Variants in BAHCC1 observed in about 807,000 individuals in gnomAD.
The protein encoded by BAHCC1 is BAH domain and coiled-coil containing 1.
In BAHCC1, 43 loss-of-function variants were observed where a neutral mutation model predicts 88.2. That is an observed-to-expected ratio of 0.49 (90% CI 0.38 to 0.63). The LOEUF is 0.63. BAHCC1 is among the 20% of genes least tolerant of loss of function. The pLI, the probability that BAHCC1 is intolerant of heterozygous loss-of-function variation, is 0.00. For missense variants in BAHCC1, 3,023 were observed against 1,654.8 expected, an observed-to-expected ratio of 1.83 and a Z score of -14.34; for synonymous variants, 1,510 against 745.5, an observed-to-expected ratio of 2.03 and a Z score of -16.71.
chr17:81,463,861 G>T lies in BAHCC1; in HGVS notation c.*44G>T, dbSNP rs1555660149. The T allele has an allele frequency of 1.4e-6, 1 of 696,540 alleles. No homozygotes were observed. Among genetic ancestry groups the T allele is most frequent in the Non-Finnish European group, 2.6e-6 (1 of 380,840 alleles). 43.1% of individuals were successfully genotyped at this position (696,540 alleles called of 1,614,324 possible). A position where few individuals can be genotyped will look rare whatever the true frequency, so the allele number is the denominator to read the frequency against. On this transcript the variant is annotated 3_prime_UTR_variant, in exon 28 of 28. Coordinates refer to ENST00000675386, the MANE Select transcript of BAHCC1 (RefSeq NM_001377448.1). ...CTCCCACGTGCGCCAGGGACCCTGT[G>T]TGCGGAGCCTGGCGTCGGCCAAGCC...
rs2030701800 is a variant in BAHCC1, at chr17:81,466,202, A to G, written c.*2385A>G. ...GGTTGGATTTTTTTTCAATGTAAACACTAAAAACAAAATGGACAAAAAAAC... is the reference window on the plus strand; with the variant it reads ...GGTTGGATTTTTTTTCAATGTAAACGCTAAAAACAAAATGGACAAAAAAAC... On this transcript the variant is annotated 3_prime_UTR_variant, in exon 28 of 28. Transcript: ENST00000675386. 6.6e-6 allele frequency: 1 copy of G among 152,502 alleles called. No individual in the cohort carries two copies. The highest frequency in any genetic ancestry group is 6.5e-5 in the Admixed American group (1 of 15,282). 9.4% of individuals were successfully genotyped at this position (152,502 alleles called of 1,614,324 possible).
intron 6 of BAHCC1, 129 bp downstream of exon 6, chr17:81,444,046 G>A (rs1183842356): frequency 1.6e-6 from 1 of 638,356 alleles, no homozygotes; most frequent in African/African-American, 1.8e-5. Context: ...GCCGTGGGTG[G>A]GGTTCTCCCC....
intron 4 of BAHCC1, among the ~76,000 whole-genome samples, chr17:81,441,216 G>A (rs148939482): frequency 2.3e-3 from 353 of 152,296 alleles, no homozygotes; most frequent in Non-Finnish European, 3.2e-3. Context: ...TGTTTCACGG[G>A]GACAGAACTG....
At chr17:81,398,281 C>A (rs565417043) in intron 1 of BAHCC1, among the ~76,000 whole-genome samples, 12 of 152,196 alleles carry the variant, frequency 7.9e-5, no homozygotes, top group African/African-American at 2.9e-4. Flanking sequence ...CTGGCTCCGA[C>A]CCTCCGCACC....
chr17:81,450,110 G>A (rs1317193378), intron 11 of BAHCC1, among the ~76,000 whole-genome samples: 1 of 152,176 alleles, frequency 6.6e-6, no homozygotes, highest in Non-Finnish European at 1.5e-5. Context: ...CAGAGACTAG[G>A]TTTGGGGTGC....
chr17:81,458,750 C>A, intron 19 of BAHCC1, 25 bp downstream of exon 19: 2 of 744,698 alleles, frequency 2.7e-6, no homozygotes, highest in Non-Finnish European at 5.0e-6. Flanking sequence ...CTCTGGGAGC[C>A]CACTGTGCAC....
At chr17:81,400,480 A>G (rs1342356005) in intron 2 of BAHCC1, among the ~76,000 whole-genome samples, 5 of 152,206 alleles carry the variant, frequency 3.3e-5, no homozygotes, top group African/African-American at 1.2e-4. Context: ...GCAGGGATGC[A>G]TTTGCCTTAA....
intron 1 of BAHCC1, among the ~76,000 whole-genome samples, chr17:81,398,741 G>T (rs1437540731): frequency 2.0e-5 from 3 of 150,852 alleles, no homozygotes; most frequent in East Asian, 2.1e-4. Flanking sequence ...GCACTGCGGC[G>T]TGGCGGCCCA....
chr17:81,417,816 C>T (rs1401507351), intron 2 of BAHCC1, among the ~76,000 whole-genome samples: 2 of 152,196 alleles, frequency 1.3e-5, no homozygotes, highest in African/African-American at 2.4e-5. Context: ...AGGGGCTTCC[C>T]GGGTGACGTG....
chr17:81,436,288 G>A (rs1383645920), intron 3 of BAHCC1, among the ~76,000 whole-genome samples: 4 of 152,232 alleles, frequency 2.6e-5, no homozygotes, highest in African/African-American at 9.6e-5. Flanking sequence ...CAGCAGCTGA[G>A]GGACACGCAT....
At position 81,434,547 on chromosome 17, in the gene BAHCC1, T is replaced by C. The variant is rs1012505198; in HGVS notation, c.359-3823T>C. Among the ~76,000 whole-genome samples the C allele has an allele frequency of 2.0e-5, 3 of 152,168 alleles. No individual in the cohort carries two copies. The highest frequency in any genetic ancestry group is 4.8e-5 in the African/African-American group (2 of 41,422). On this transcript the variant is annotated intron_variant, in intron 3 of 27. Transcript: ENST00000675386. The surrounding 1 kb of genome is among the most constrained non-coding windows in gnomAD (Gnocchi z 4.9). Reference sequence around the variant, plus strand: ...CCTGCAGCATCCTGGCCCTGAGCTCTGTGGCCCCAAGTGGGGCTTCCTGGG... The same window carrying C: ...CCTGCAGCATCCTGGCCCTGAGCTCCGTGGCCCCAAGTGGGGCTTCCTGGG...
chr17:81,402,075 C>T (rs2063823940), intron 2 of BAHCC1: 1 of 152,506 alleles, frequency 6.6e-6, no homozygotes, highest in East Asian at 1.9e-4. Flanking sequence ...TTCTTGATCC[C>T]AGGTCCTCCC....
Position 81,458,718 on chromosome 17 carries a change from G to A in BAHCC1, c.5441G>A (p.Gly1814Asp), listed in dbSNP as rs868982282. 1.4e-6 allele frequency: 1 copy of A among 732,686 alleles called. No homozygotes were observed. Among genetic ancestry groups the A allele is most frequent in the Non-Finnish European group, 2.5e-6 (1 of 394,004 alleles). The allele number at this position is 732,686 out of a possible 1,614,324, so 45.4% of individuals were successfully genotyped here. A position where few individuals can be genotyped will look rare whatever the true frequency, so the allele number is the denominator to read the frequency against. ...RKLSKVKHKAGKQGKGRAVSR... is the reference protein window; with the variant it reads ...RKLSKVKHKADKQGKGRAVSR... Reference sequence around the variant, plus strand: ...CTGAGCAAGGTGAAGCACAAGGCCGGCAAGCAGGTAGCAGCCCCCCACTCT... The same window carrying A: ...CTGAGCAAGGTGAAGCACAAGGCCGACAAGCAGGTAGCAGCCCCCCACTCT... Residue 1814 changes from glycine to aspartate, a missense_variant, in exon 19 of 28, where the codon GGC (glycine) becomes GAC (aspartate). By Grantham distance (94) the Gly-to-Asp change is moderately conservative. Transcript: ENST00000675386.
chr17:81,455,474 C>T, intron 15 of BAHCC1, 84 bp downstream of exon 15: 1 of 666,870 alleles, frequency 1.5e-6, no homozygotes, highest in East Asian at 2.7e-5. Context: ...CTCTCCCCAG[C>T]CCTGTGCCGA....
Position 81,455,366 on chromosome 17 carries a change from T to C in BAHCC1, c.4545T>C (p.Tyr1515=), listed in dbSNP as rs1555657024. ...GAAGCAAGCTGGAGAGGAGCGTCTA[T>C]GCGGGCCTGCAGACTGCCTCCGTGG... ...KKRSKLERSV[Y]AGLQTASVEK... The change falls in exon 15 of 28, where the codon TAT becomes TAC. Residue 1515 remains tyrosine, a synonymous_variant. Coordinates refer to ENST00000675386, the MANE Select transcript of BAHCC1 (RefSeq NM_001377448.1). The C allele has an allele frequency of 1.5e-5, 11 of 716,452 alleles. No individual in the cohort carries two copies. Among genetic ancestry groups the C allele is most frequent in the East Asian group, 1.1e-4 (4 of 37,294 alleles). The allele number at this position is 716,452 out of a possible 1,614,324, so 44.4% of individuals were successfully genotyped here.
chr17:81,455,079 C>T (rs2064721539), intron 14 of BAHCC1, among the ~76,000 whole-genome samples, 188 bp from the exon 15 acceptor site: 1 of 152,166 alleles, frequency 6.6e-6, no homozygotes, highest in African/African-American at 2.4e-5. Context: ...TGGCTGCAGG[C>T]AGGTGCTCAG....
intron 3 of BAHCC1, among the ~76,000 whole-genome samples, chr17:81,429,017 G>A (rs1469189765): frequency 2.0e-5 from 3 of 152,210 alleles, no homozygotes; most frequent in Admixed American, 1.3e-4. Flanking sequence ...AGAGGACAGT[G>A]CCCACAGTGG....
At chr17:81,398,429 G>A (rs1233946292) in intron 1 of BAHCC1, among the ~76,000 whole-genome samples, 2 of 152,214 alleles carry the variant, frequency 1.3e-5, no homozygotes, top group African/African-American at 4.8e-5. Flanking sequence ...TGCTGGGCCG[G>A]GCCCACCTTC....
In BAHCC1 at chr17:81,458,960, G is replaced by T. The variant is rs782205832; in HGVS notation, c.5596G>T (p.Ala1866Ser). 1 of 737,990 alleles carries T rather than the reference G, an allele frequency of 1.4e-6. No individual in the cohort carries two copies. Among genetic ancestry groups the T allele is most frequent in the Non-Finnish European group, 2.5e-6 (1 of 394,276 alleles). 45.7% of individuals were successfully genotyped at this position (737,990 alleles called of 1,614,324 possible). The change falls in exon 20 of 28, where the codon GCC becomes TCC. Residue 1866 changes from alanine (A) to serine (S), a missense_variant. By Grantham distance (99) the Ala-to-Ser change is moderately conservative. Coordinates refer to ENST00000675386, the MANE Select transcript of BAHCC1 (RefSeq NM_001377448.1). The stretch of plus-strand genomic sequence containing the variant: ...CGGCCCTCTGAGCGCAGAGCAGAGC[G>T]CCGCCCTAGGTGAGCAGGGCCAGGA... ...DSGPLSAEQSAALARSCAIHK... is the reference protein window; with the variant it reads ...DSGPLSAEQSSALARSCAIHK...
Sources: gnomAD v4.1 joint callset for allele counts (sites outside exome capture counted in the v4.1 genomes callset) on GRCh38, gnomAD v4.1.1 for gene constraint, Gnocchi (gnomAD v3.1) non-coding constraint, MANE v1.5 for transcripts, NCBI Gene and HGNC (gene_info 2026-07-23, HGNC 2026-07-21) for gene names.